LILRB1: variants seen among roughly 807,000 people sequenced by gnomAD.
The protein encoded by LILRB1 is leukocyte immunoglobulin like receptor B1.
Under a neutral mutation model 74.6 loss-of-function variants are expected in LILRB1, and 59 were observed. The observed-to-expected ratio is 0.79, with a 90% CI of 0.64 to 0.98. LILRB1 has a LOEUF of 0.98. Among genes scored for constraint, LILRB1 ranks in the 50% least tolerant of loss-of-function variants. The pLI, the probability that LILRB1 is intolerant of heterozygous loss-of-function variation, is 0.00. For synonymous variants in LILRB1, 328 were observed against 333.9 expected (o/e 0.98, Z 0.19); for missense variants, 804 against 822.6 (o/e 0.98, Z 0.28).
intron 6 of LILRB1, 112 bp from the exon 7 acceptor site, chr19:54,632,904 G>A (rs1458762111): frequency 1.4e-5 from 21 of 1,541,282 alleles, no homozygotes; most frequent in Admixed American, 5.7e-5. Flanking sequence ...CGGGGAGGGG[G>A]AGACTCAGAG....
rs758813264 is a variant in LILRB1 at position 54,635,628 on chromosome 19, C to T, written c.1653+19C>T. The T allele has an allele frequency of 1.2e-6, 2 of 1,613,524 alleles. No homozygotes were observed. Among genetic ancestry groups the T allele is most frequent in the African/African-American group, 2.7e-5 (2 of 74,858 alleles). On this transcript the variant is annotated intron_variant, in intron 13 of 14. Coordinates refer to ENST00000324602, the MANE Select transcript of LILRB1 (RefSeq NM_001081637.3). ...CACTCGGGTGAGACCCCACCCCTGT[C>T]CCAGGCACCAAAGGCCTCCTGGTGC...
At chr19:54,626,759 G>C (rs1439571599), upstream of LILRB1, among the ~76,000 whole-genome samples, 1 of 152,112 alleles carries the variant, frequency 6.6e-6, no homozygotes, top group Non-Finnish European at 1.5e-5. Flanking sequence ...CCACACATGT[G>C]ATCTTCCATA....
intron 1 of LILRB1, among the ~76,000 whole-genome samples, chr19:54,624,240 T>C (rs1320187612): frequency 1.3e-5 from 2 of 152,204 alleles, no homozygotes; most frequent in East Asian, 3.9e-4. Context: ...TGAAATGCCC[T>C]GAGGTCTCTG....
At position 54,636,850 on chromosome 19, in the gene LILRB1, G is replaced by A. The variant is rs200702196; in HGVS notation, c.1931G>A (p.Ser644Asn). ...SQEGPSPAVP[S>N]IYATLAIH is the part of the protein sequence containing the mutation. ...GAAGGGCCCTCTCCAGCTGTGCCCA[G>A]CATCTACGCCACTCTGGCCATCCAC... Residue 644 changes from serine to asparagine, a missense_variant, in exon 15 of 15, where the codon AGC becomes AAC. Coordinates refer to ENST00000324602, the MANE Select transcript of LILRB1 (RefSeq NM_001081637.3). 1.7e-5 allele frequency: 28 copies of A among 1,613,576 alleles called. No individual in the cohort carries two copies. The East Asian group carries it at 1.8e-4, about 10-fold the overall frequency.
rs1305025653 is a variant in LILRB1, at chr19:54,630,605, T to C, written c.-77T>C. ...ATGGACCTGGGTCTTCCCTGAAGCA[T>C]CTCCAGGGCTGGAGGGACGACTGCC... On this transcript the variant is annotated 5_prime_UTR_variant, in exon 1 of 15. Transcript: ENST00000324602. 3.7e-6 allele frequency: 3 copies of C among 812,330 alleles called. No homozygotes were observed. The highest frequency in any genetic ancestry group is 2.8e-5 in the South Asian group (2 of 72,220). The allele number at this position is 812,330 out of a possible 1,614,324, so 50.3% of individuals were successfully genotyped here.
chr19:54,637,200 A>G lies in LILRB1; in HGVS notation c.*322A>G. 3.2e-6 allele frequency: 1 copy of G among 308,336 alleles called. No homozygotes were observed. The highest frequency in any genetic ancestry group is 6.0e-6 in the Non-Finnish European group (1 of 166,994). The allele number at this position is 308,336 out of a possible 1,614,324, so 19.1% of individuals were successfully genotyped here. ...CACGAATGAATGAATTAGGAAAGAA[A>G]AAAAGTAGGAAATGAATGATCTTGG... On this transcript the variant is annotated 3_prime_UTR_variant, in exon 15 of 15. Coordinates refer to ENST00000324602, the MANE Select transcript of LILRB1 (RefSeq NM_001081637.3).
Position 54,633,707 on chromosome 19 carries a change from T to G in LILRB1, c.1312+19T>G. 3.1e-6 allele frequency: 5 copies of G among 1,612,040 alleles called. No homozygotes were observed. The highest frequency in any genetic ancestry group is 3.4e-6 in the Non-Finnish European group (4 of 1,178,998). On this transcript the variant is annotated intron_variant, in intron 8 of 14. Coordinates refer to ENST00000324602, the MANE Select transcript of LILRB1 (RefSeq NM_001081637.3). ...ACATCTGGTGAGTCCCTGAGGCTTCTGAACTCAAGGGAGTGCGGCCTCCCC... is the reference window on the plus strand; with the variant it reads ...ACATCTGGTGAGTCCCTGAGGCTTCGGAACTCAAGGGAGTGCGGCCTCCCC...
chr19:54,620,751 T>C (rs913110054), intron 1 of LILRB1, among the ~76,000 whole-genome samples: 2 of 152,216 alleles, frequency 1.3e-5, no homozygotes, highest in Non-Finnish European at 2.9e-5. Context: ...GTATGAAGCA[T>C]ATGAACCAAG....
Position 54,631,582 on chromosome 19 carries a change from G to T in LILRB1, c.153G>T (p.Gly51=). ...GTCCTGTGACCCTCAGGTGTCAGGGGGGCCAGGAGACCCAGGAGTACCGTC... is the reference window on the plus strand; with the variant it reads ...GTCCTGTGACCCTCAGGTGTCAGGGTGGCCAGGAGACCCAGGAGTACCGTC... ...QGSPVTLRCQ[G]GQETQEYRLY... The change falls in exon 4 of 15, where the codon GGG becomes GGT. Residue 51 remains glycine, a synonymous_variant. Coordinates refer to ENST00000324602, the MANE Select transcript of LILRB1 (RefSeq NM_001081637.3). The T allele has an allele frequency of 6.2e-7, 1 of 1,614,258 alleles. No individual in the cohort carries two copies.
chr19:54,625,448 A>G (rs536174810), upstream of LILRB1, among the ~76,000 whole-genome samples: 22 of 152,192 alleles, frequency 1.4e-4, no homozygotes, highest in East Asian at 3.3e-3. Flanking sequence ...TGGGCTCCAG[A>G]GGCGCCTCTG....
chr19:54,625,635 G>T (rs1379969935), upstream of LILRB1, among the ~76,000 whole-genome samples: 2 of 123,556 alleles, frequency 1.6e-5, no homozygotes, highest in South Asian at 2.7e-4. Context: ...GTGTTAGGGA[G>T]CCTCGCACTC....
chr19:54,629,236 G>A (rs1024332380), upstream of LILRB1, among the ~76,000 whole-genome samples: 2 of 151,758 alleles, frequency 1.3e-5, no homozygotes, highest in Non-Finnish European at 2.9e-5. Context: ...AGACAATGTC[G>A]GGGCTGGAGT....
chr19:54,626,508 T>C (rs1296220249), upstream of LILRB1, among the ~76,000 whole-genome samples: 1 of 152,220 alleles, frequency 6.6e-6, no homozygotes, highest in Non-Finnish European at 1.5e-5. Flanking sequence ...TTAATTATGT[T>C]TTCTACTTTA....
rs10421688 is a variant in LILRB1, at chr19:54,635,620, A to G, written c.1653+11A>G. 0.15 allele frequency: 247,237 copies of G among 1,611,662 alleles called. 20,251 individuals carry two copies. The highest frequency in any genetic ancestry group is 0.24 in the African/African-American group (18,111 of 74,482). Reference sequence around the variant, plus strand: ...GAGATGGACACTCGGGTGAGACCCCACCCCTGTCCCAGGCACCAAAGGCCT... The same window carrying G: ...GAGATGGACACTCGGGTGAGACCCCGCCCCTGTCCCAGGCACCAAAGGCCT... On this transcript the variant is annotated intron_variant, in intron 13 of 14. Transcript: ENST00000324602.
upstream of LILRB1, among the ~76,000 whole-genome samples, chr19:54,630,031 C>T (rs1402889118): frequency 6.8e-6 from 1 of 146,434 alleles, no homozygotes; most frequent in African/African-American, 2.5e-5. Context: ...TCAGGTCTTA[C>T]CCTGGTCTGG....
In LILRB1 at chr19:54,633,296, C is replaced by G. The variant is rs200928068; in HGVS notation, c.1239C>G (p.Asp413Glu). 568 of 1,613,982 alleles carry G rather than the reference C, an allele frequency of 3.5e-4. 2 individuals carry two copies. The African/African-American group carries it at 5.5e-3, about 16-fold the overall frequency. ...CCTACCTGCTGACTCACCCCAGTGA[C>G]CCCCTGGAGCTCGTGGTCTCAGGTG... ...SKPYLLTHPSDPLELVVSGPS... is the reference protein window; with the variant it reads ...SKPYLLTHPSEPLELVVSGPS... The change falls in exon 7 of 15, where the codon GAC becomes GAG. Residue 413 changes from aspartate to glutamate, a missense_variant. Transcript: ENST00000324602.
At position 54,632,032 on chromosome 19, in the gene LILRB1, T is replaced by C. The variant is rs1406970799; in HGVS notation, c.456T>C (p.Asp152=). ...TLQCDSQVAF[D]GFILCKEGED... ...AGTGTGACTCACAGGTGGCATTTGATGGCTTCATTCTGTGTAAGGAAGGAG... is the reference window on the plus strand; with the variant it reads ...AGTGTGACTCACAGGTGGCATTTGACGGCTTCATTCTGTGTAAGGAAGGAG... Residue 152 remains aspartate, a synonymous_variant, in exon 5 of 15, where the codon GAT becomes GAC. Coordinates refer to ENST00000324602, the MANE Select transcript of LILRB1 (RefSeq NM_001081637.3). The C allele has an allele frequency of 1.2e-6, 2 of 1,614,228 alleles. No individual in the cohort carries two copies. Among genetic ancestry groups the C allele is most frequent in the Middle Eastern group, 1.6e-4 (1 of 6,062 alleles).
Position 54,633,067 on chromosome 19 carries a change from C to T in LILRB1, c.1010C>T (p.Ala337Val), listed in dbSNP as rs372002933. 33 of 1,614,082 alleles carry T rather than the reference C, an allele frequency of 2.0e-5. No homozygotes were observed. Among genetic ancestry groups the T allele is most frequent in the Non-Finnish European group, 2.5e-5 (30 of 1,179,962 alleles). The change falls in exon 7 of 15, where the codon GCC (alanine) becomes GTC (valine). Residue 337 changes from alanine to valine, a missense_variant. Physicochemically the swap from Ala to Val is moderately conservative, Grantham distance 64 (BLOSUM62 0). Transcript: ENST00000324602. ...TCGGTGCAGCCGGGCCCCACGGTGG[C>T]CTCAGGAGAGAACGTGACCCTGCTG... ...SLSVQPGPTV[A>V]SGENVTLLCQ...
Position 54,631,741 on chromosome 19 carries a change from T to G in LILRB1, c.312T>G (p.Thr104=). 6.2e-7 allele frequency: 1 copy of G among 1,614,280 alleles called. No homozygotes were observed. Among genetic ancestry groups the G allele is most frequent in the Non-Finnish European group, 8.5e-7 (1 of 1,180,046 alleles). ...GRYRCYYGSD[T]AGRSESSDPL... Reference sequence around the variant, plus strand: ...ATCGCTGTTACTATGGTAGCGACACTGCAGGCCGCTCAGAGAGCAGTGACC... The same window carrying G: ...ATCGCTGTTACTATGGTAGCGACACGGCAGGCCGCTCAGAGAGCAGTGACC... Residue 104 remains threonine, a synonymous_variant, in exon 4 of 15, where the codon ACT becomes ACG. Transcript: ENST00000324602.
Sources: allele counts gnomAD v4.1 joint callset (sites outside exome capture counted in the v4.1 genomes callset), GRCh38; gene constraint gnomAD v4.1.1; transcripts MANE v1.5; gene names NCBI Gene and HGNC (gene_info 2026-07-23, HGNC 2026-07-21).